Variants in UBE2D1 observed in about 807,000 individuals in gnomAD.
UBE2D1 encodes the protein ubiquitin conjugating enzyme E2 D1.
Under a neutral mutation model 24.6 loss-of-function variants are expected in UBE2D1, and 9 were observed. The observed-to-expected ratio is 0.37, with a 90% confidence interval of 0.22 to 0.64. The LOEUF is 0.64. UBE2D1 is among the 30% of genes least tolerant of loss of function. The pLI, the probability that UBE2D1 is intolerant of heterozygous loss-of-function variation, is 0.64. For missense variants in UBE2D1, 87 were observed against 177.1 expected, an observed-to-expected ratio of 0.49 and a Z score of 2.89; for synonymous variants, 57 against 57.6, an observed-to-expected ratio of 0.99 and a Z score of 0.04.
intron 1 of UBE2D1, among the ~76,000 whole-genome samples, chr10:58,356,788 C>T (rs1840136079): frequency 6.6e-6 from 1 of 152,204 alleles, no homozygotes; most frequent in Non-Finnish European, 1.5e-5. Context: ...CTTAACTATA[C>T]ATTGCTCGCT....
intron 1 of UBE2D1, among the ~76,000 whole-genome samples, chr10:58,338,821 G>C (rs1168025146): frequency 1.3e-5 from 2 of 152,162 alleles, no homozygotes; most frequent in African/African-American, 2.4e-5. Context: ...TGAAAAGTGA[G>C]GCAATAGAGT....
chr10:58,353,022 T>A (rs1840094058), intron 1 of UBE2D1, among the ~76,000 whole-genome samples: 1 of 152,284 alleles, frequency 6.6e-6, no homozygotes, highest in East Asian at 1.9e-4. Context: ...ACTTTTAAGT[T>A]TCTAAGAACC....
intron 1 of UBE2D1, among the ~76,000 whole-genome samples, chr10:58,348,643 T>A (rs1309685698): frequency 1.3e-5 from 2 of 152,216 alleles, no homozygotes; most frequent in East Asian, 1.9e-4. Context: ...GAGATTTAGA[T>A]CTTCTGACTG....
At chr10:58,363,718 C>A in intron 4 of UBE2D1, 32 bp downstream of exon 4, 1 of 1,466,216 alleles carries the variant, frequency 6.8e-7, no homozygotes, top group South Asian at 1.2e-5. Flanking sequence ...ATGTGACTCC[C>A]ATGTAAGAGA....
Position 58,361,346 on chromosome 10 carries a change from T to C in UBE2D1, c.33T>C (p.Ser11=). Reference sequence around the variant, plus strand: ...TTTTTGATTTCCTTCAGGAATTGAGTGATCTACAGCGCGATCCACCTGCTC... The same window carrying C: ...TTTTTGATTTCCTTCAGGAATTGAGCGATCTACAGCGCGATCCACCTGCTC... MALKRIQKEL[S]DLQRDPPAHC... Residue 11 remains serine (S), a synonymous_variant, in exon 2 of 7, where the codon AGT becomes AGC. Coordinates refer to ENST00000373910, the MANE Select transcript of UBE2D1 (RefSeq NM_003338.5). 1.2e-6 allele frequency: 2 copies of C among 1,614,096 alleles called. No homozygotes were observed. Among genetic ancestry groups the C allele is most frequent in the Non-Finnish European group, 1.7e-6 (2 of 1,179,912 alleles).
At chr10:58,337,337 G>T (rs1839913990) in intron 1 of UBE2D1, among the ~76,000 whole-genome samples, 1 of 152,022 alleles carries the variant, frequency 6.6e-6, no homozygotes, top group South Asian at 2.1e-4. Context: ...AAACCTTAGG[G>T]GTGATTATTT....
intron 4 of UBE2D1, among the ~76,000 whole-genome samples, 184 bp downstream of exon 4, chr10:58,363,870 G>T (rs188182069): frequency 2.0e-5 from 3 of 152,048 alleles, no homozygotes; most frequent in African/African-American, 7.2e-5. Flanking sequence ...ACTGTATTAA[G>T]TCTATAAAAC....
At chr10:58,366,775 C>G (rs73288316) in intron 5 of UBE2D1, among the ~76,000 whole-genome samples, 18,585 of 150,716 alleles carry the variant, frequency 0.12, 2,476 homozygotes, top group African/African-American at 0.34. Context: ...TTTTGAGATG[C>G]AGTTGCTGTG....
chr10:58,363,544 A>G, intron 3 of UBE2D1, 65 bp from the exon 4 acceptor site: 1 of 1,164,456 alleles, frequency 8.6e-7, no homozygotes, highest in Non-Finnish European at 1.2e-6. Context: ...ATTTGGGGGA[A>G]ATAATTTTGT....
intron 5 of UBE2D1, among the ~76,000 whole-genome samples, chr10:58,365,714 A>G (rs1295151444): frequency 6.6e-6 from 1 of 152,182 alleles, no homozygotes; most frequent in Non-Finnish European, 1.5e-5. Flanking sequence ...AGAGAACCTG[A>G]CAGTTGGAAA....
chr10:58,344,867 G>GT (rs1304897036), intron 1 of UBE2D1, among the ~76,000 whole-genome samples: 507 of 130,500 alleles, frequency 3.9e-3, no homozygotes, highest in Admixed American at 4.0e-3. Context: ...TAGTTTTTTT[G>GT]TTTTTTTTTT....
At chr10:58,355,176 A>G (rs1840117725) in intron 1 of UBE2D1, among the ~76,000 whole-genome samples, 1 of 152,206 alleles carries the variant, frequency 6.6e-6, no homozygotes, top group Admixed American at 6.5e-5. Context: ...TTGATCTCAT[A>G]GACTTCCTGA....
intron 6 of UBE2D1, chr10:58,368,451 G>A (rs572641774): frequency 6.7e-6 from 2 of 296,648 alleles, no homozygotes; most frequent in East Asian, 1.1e-4. Context: ...ATTGGCTTTT[G>A]TAAATTTCTG....
chr10:58,367,917 A>G lies in UBE2D1; in HGVS notation c.305-6A>G. 1.3e-6 allele frequency: 2 copies of G among 1,589,662 alleles called. No individual in the cohort carries two copies. Among genetic ancestry groups the G allele is most frequent in the Non-Finnish European group, 1.7e-6 (2 of 1,159,144 alleles). ...TGTCTAATGTGATGTTCTCTTTTAA[A>G]TCTAGTTTTATTGTCCATATGTTCT... On this transcript the variant is annotated splice_region_variant and splice_polypyrimidine_tract_variant and intron_variant, in intron 5 of 6. Transcript: ENST00000373910.
In UBE2D1 at chr10:58,369,925, T is replaced by C. The variant is rs1252231643; in HGVS notation, c.*1160T>C. 1.3e-5 allele frequency: 2 copies of C among 152,064 alleles called. No homozygotes were observed. The highest frequency in any genetic ancestry group is 2.9e-5 in the Non-Finnish European group (2 of 67,860). The allele number at this position is 152,064 out of a possible 1,614,324, so 9.4% of individuals were successfully genotyped here. ...TCCAAAAGAAAGGTCTTTATAGACC[T>C]GCACAGTCACTAGATTAATTCATTA... On this transcript the variant is annotated 3_prime_UTR_variant, in exon 7 of 7. Coordinates refer to ENST00000373910, the MANE Select transcript of UBE2D1 (RefSeq NM_003338.5).
intron 5 of UBE2D1, among the ~76,000 whole-genome samples, chr10:58,365,590 G>C (rs1425576176): frequency 1.3e-5 from 2 of 152,206 alleles, no homozygotes; most frequent in Non-Finnish European, 2.9e-5. Context: ...GGGTATAGCT[G>C]TTCTTTGCTG....
Position 58,368,886 on chromosome 10 carries a change from C to A in UBE2D1, c.*121C>A. 1.8e-6 allele frequency: 1 copy of A among 558,620 alleles called. No individual in the cohort carries two copies. Among genetic ancestry groups the A allele is most frequent in the Non-Finnish European group, 2.8e-6 (1 of 352,012 alleles). The allele number at this position is 558,620 out of a possible 1,614,324, so 34.6% of individuals were successfully genotyped here. ...ACCATGAAACCATTTGATTTTTACC[C>A]ATTTTAAATGTGTTTCTGAAGCAAG... On this transcript the variant is annotated 3_prime_UTR_variant, in exon 7 of 7. Coordinates refer to ENST00000373910, the MANE Select transcript of UBE2D1 (RefSeq NM_003338.5).
rs560209417 is a variant in UBE2D1, at chr10:58,335,125, C to T, written c.-77C>T. 8.1e-6 allele frequency: 12 copies of T among 1,485,370 alleles called. No homozygotes were observed. Among genetic ancestry groups the T allele is most frequent in the East Asian group, 5.1e-5 (2 of 38,892 alleles). The allele number at this position is 1,485,370 out of a possible 1,614,324, so 92.0% of individuals were successfully genotyped here. A position where few individuals can be genotyped will look rare whatever the true frequency, so the allele number is the denominator to read the frequency against. On this transcript the variant is annotated 5_prime_UTR_variant, in exon 1 of 7. Coordinates refer to ENST00000373910, the MANE Select transcript of UBE2D1 (RefSeq NM_003338.5). ...GAGCCAGCCTAGCTGCCAGCGAGCC[C>T]AACCCGCGACGACCCACGCCCCTGA...
chr10:58,363,775 A>G (rs1015482356), intron 4 of UBE2D1, 89 bp downstream of exon 4: 16 of 979,782 alleles, frequency 1.6e-5, no homozygotes, highest in Middle Eastern at 3.0e-4. Flanking sequence ...AGCTCATTTG[A>G]TATGTCAAAG....
Sources: allele counts gnomAD v4.1 joint callset (sites outside exome capture counted in the v4.1 genomes callset), GRCh38; gene constraint gnomAD v4.1.1; transcripts MANE v1.5; gene names NCBI Gene and HGNC (gene_info 2026-07-23, HGNC 2026-07-21).